DOK6: variants seen among roughly 807,000 people sequenced by gnomAD.
DOK6 encodes the protein docking protein 6, also known as downstream of tyrosine kinase 6.
A neutral mutation model predicts 44.0 loss-of-function variants in DOK6; 22 were observed. The observed-to-expected ratio is 0.50, with a 90% confidence interval of 0.36 to 0.71. The LOEUF (loss-of-function observed/expected upper bound fraction) is 0.71. Ranked by LOEUF, DOK6 falls within the 30% of genes least tolerant of loss-of-function variation. The pLI, the probability that DOK6 is intolerant of heterozygous loss-of-function variation, is 0.00. For missense variants in DOK6, 340 were observed against 416.4 expected (o/e 0.82, Z 1.60); for synonymous variants, 166 against 145.5 (o/e 1.14, Z -1.01).
chr18:69,769,883 G>A (rs1979836574), intron 7 of DOK6, among the ~76,000 whole-genome samples: 3 of 151,938 alleles, frequency 2.0e-5, no homozygotes, highest in African/African-American at 4.8e-5. Context: ...TTTTCCAATC[G>A]GTAAGTGGGT....
chr18:69,632,960 C>T (rs967588267), intron 3 of DOK6, among the ~76,000 whole-genome samples: 2 of 152,132 alleles, frequency 1.3e-5, no homozygotes, highest in African/African-American at 4.8e-5. Flanking sequence ...TCCCCTGAGT[C>T]CTCAGTTTGT....
intron 2 of DOK6, among the ~76,000 whole-genome samples, chr18:69,571,797 C>T (rs2144603428): frequency 6.6e-6 from 1 of 152,066 alleles, no homozygotes; most frequent in African/African-American, 2.4e-5. Flanking sequence ...TTTTAACCCC[C>T]TCCCTTTCTC....
intron 1 of DOK6, among the ~76,000 whole-genome samples, chr18:69,505,632 G>A (rs970730828): frequency 1.3e-5 from 2 of 150,994 alleles, no homozygotes; most frequent in African/African-American, 2.4e-5. Context: ...TGAGTAGCTG[G>A]GACTACAGGC....
intron 7 of DOK6, among the ~76,000 whole-genome samples, chr18:69,768,304 A>C (rs1979781297): frequency 3.9e-5 from 6 of 152,130 alleles, no homozygotes; most frequent in Admixed American, 3.9e-4. Context: ...TGTCTTTGTC[A>C]TGTATATGTA....
intron 7 of DOK6, among the ~76,000 whole-genome samples, chr18:69,764,545 C>T (rs1447224674): frequency 1.3e-5 from 2 of 152,152 alleles, no homozygotes; most frequent in Non-Finnish European, 1.5e-5. Context: ...AATTCTCTCT[C>T]CTGCCACCAC....
chr18:69,762,525 G>A (rs1441424208), intron 7 of DOK6, among the ~76,000 whole-genome samples: 1 of 152,116 alleles, frequency 6.6e-6, no homozygotes, highest in Non-Finnish European at 1.5e-5. Context: ...TAAACTGCAG[G>A]TAGCACTGAG....
intron 1 of DOK6, among the ~76,000 whole-genome samples, chr18:69,412,299 C>G (rs1185210261): frequency 6.6e-6 from 1 of 152,068 alleles, no homozygotes; most frequent in Non-Finnish European, 1.5e-5. Flanking sequence ...TTGTGGGACC[C>G]TCTACCTGTG....
At chr18:69,404,416 T>A (rs532106051) in intron 1 of DOK6, among the ~76,000 whole-genome samples, 18 of 152,212 alleles carry the variant, frequency 1.2e-4, no homozygotes, top group Non-Finnish European at 2.1e-4. Flanking sequence ...GTTTTTGGTT[T>A]GCAGCCAAAC....
At chr18:69,575,686 G>A (rs1046074836) in intron 2 of DOK6, among the ~76,000 whole-genome samples, 2 of 152,034 alleles carry the variant, frequency 1.3e-5, no homozygotes, top group African/African-American at 2.4e-5. Flanking sequence ...AACAGCAAAG[G>A]TTATAGTAAT....
intron 7 of DOK6, among the ~76,000 whole-genome samples, chr18:69,794,293 CT>C (rs999815033): frequency 2.6e-5 from 4 of 152,102 alleles, no homozygotes; most frequent in African/African-American, 9.7e-5. Context: ...AAGTATCTGC[CT>C]TTTGCACTGT....
intron 4 of DOK6, among the ~76,000 whole-genome samples, chr18:69,681,453 T>C (rs1256859115): frequency 6.6e-6 from 1 of 152,218 alleles, no homozygotes; most frequent in African/African-American, 2.4e-5. Flanking sequence ...GTAATCATCT[T>C]TATCTACTGC....
intron 1 of DOK6, among the ~76,000 whole-genome samples, chr18:69,520,535 A>AT (rs1981655994): frequency 6.6e-6 from 1 of 151,912 alleles, no homozygotes; most frequent in South Asian, 2.1e-4. Flanking sequence ...AAAATTCAAA[A>AT]TTTTTTGAGC....
At chr18:69,579,835 C>T (rs1983324067) in intron 2 of DOK6, among the ~76,000 whole-genome samples, 2 of 151,682 alleles carry the variant, frequency 1.3e-5, no homozygotes, top group African/African-American at 4.9e-5. Flanking sequence ...GATTCTCTCA[C>T]GAGGAGAGAT....
At chr18:69,542,695 G>C (rs566086588) in intron 1 of DOK6, among the ~76,000 whole-genome samples, 6 of 151,328 alleles carry the variant, frequency 4.0e-5, no homozygotes, top group African/African-American at 1.2e-4. Flanking sequence ...GAGTAAAAAC[G>C]CTTGCTTAAG....
rs944314306 is a variant in DOK6, at chr18:69,450,087, A to C, written c.66+48777A>C. On this transcript the variant is annotated intron_variant, in intron 1 of 7. Transcript: ENST00000382713. ...ATGACTTTGACGAGCTGAGAGAAGA[A>C]GGCTTCGGACGATCAAATTACTCTG... is the stretch of plus-strand genomic sequence containing the variant. Among the ~76,000 whole-genome samples the C allele has an allele frequency of 7.1e-3, 940 of 131,502 alleles. 10 individuals are homozygous for C. The highest frequency in any genetic ancestry group is 0.026 in the African/African-American group (888 of 33,936). 86.3% of individuals were successfully genotyped at this position (131,502 alleles called of 152,430 possible).
intron 7 of DOK6, among the ~76,000 whole-genome samples, chr18:69,828,310 T>A (rs1981801123): frequency 6.6e-6 from 1 of 151,888 alleles, no homozygotes; most frequent in South Asian, 2.1e-4. Context: ...ACTTAGATTA[T>A]GCCATTTTAA....
At chr18:69,704,025 A>G (rs918127104) in intron 5 of DOK6, among the ~76,000 whole-genome samples, 2 of 152,192 alleles carry the variant, frequency 1.3e-5, no homozygotes, top group African/African-American at 4.8e-5. Context: ...GAAAGCCCTC[A>G]CCAGAACCCA....
chr18:69,638,557 A>G (rs1231875717), intron 3 of DOK6, among the ~76,000 whole-genome samples: 2 of 151,930 alleles, frequency 1.3e-5, no homozygotes, highest in Non-Finnish European at 2.9e-5. Context: ...GTATTTTCCA[A>G]TTTGTACCAG....
chr18:69,734,102 C>T (rs1459588410), intron 5 of DOK6, among the ~76,000 whole-genome samples: 2 of 151,470 alleles, frequency 1.3e-5, no homozygotes, highest in Non-Finnish European at 2.9e-5. Flanking sequence ...TCCCCATTTG[C>T]TTTCTCTGAA....
Sources: gnomAD v4.1 joint callset for allele counts (sites outside exome capture counted in the v4.1 genomes callset) on GRCh38, gnomAD v4.1.1 for gene constraint, MANE v1.5 for transcripts, NCBI Gene and HGNC (gene_info 2026-07-23, HGNC 2026-07-21) for gene names.